XKR4: variants seen among roughly 807,000 people sequenced by gnomAD.
XKR4 encodes XK related 4.
Under a neutral mutation model 53.9 loss-of-function variants are expected in XKR4, and 12 were observed. The observed-to-expected ratio is 0.22, with a 90% CI of 0.14 to 0.36. XKR4 has a LOEUF of 0.36. Ranked by LOEUF, XKR4 falls within the 10% of genes least tolerant of loss-of-function variation. The pLI, the probability that XKR4 is intolerant of heterozygous loss-of-function variation, is 1.00. For synonymous variants in XKR4, 354 were observed against 362.4 expected (o/e 0.98, Z 0.26); for missense variants, 799 against 859.5 (o/e 0.93, Z 0.88).
intron 1 of XKR4, among the ~76,000 whole-genome samples, chr8:55,293,759 G>T (rs554680611): frequency 6.6e-6 from 1 of 152,146 alleles, no homozygotes; most frequent in African/African-American, 2.4e-5. Context: ...GCATAGATGG[G>T]TACTTATAGG....
intron 1 of XKR4, among the ~76,000 whole-genome samples, chr8:55,335,628 A>G (rs1803449094): frequency 6.6e-6 from 1 of 152,212 alleles, no homozygotes; most frequent in African/African-American, 2.4e-5. Flanking sequence ...GTATTTGAAT[A>G]TTTGTAGCAG....
intron 2 of XKR4, among the ~76,000 whole-genome samples, chr8:55,385,071 C>G (rs1804289476): frequency 6.6e-6 from 1 of 152,020 alleles, no homozygotes; most frequent in Admixed American, 6.6e-5. Flanking sequence ...AGATTTAAGT[C>G]AGGTAAAGAA....
chr8:55,359,146 CTT>C (rs1439038476), intron 2 of XKR4, among the ~76,000 whole-genome samples: 1 of 152,210 alleles, frequency 6.6e-6, no homozygotes, highest in Non-Finnish European at 1.5e-5. Context: ...AAAGTGGAGT[CTT>C]TGCACAGAAA....
chr8:55,195,502 G>C (rs1817493639), intron 1 of XKR4, among the ~76,000 whole-genome samples: 1 of 151,166 alleles, frequency 6.6e-6, no homozygotes, highest in South Asian at 2.1e-4. Context: ...CTGAAATACA[G>C]TATAGGAAGT....
At position 55,215,830 on chromosome 8, in the gene XKR4, C is replaced by G. The variant is rs80175052; in HGVS notation, c.806+112536C>G. Among the ~76,000 whole-genome samples the G allele has an allele frequency of 8.7e-3, 1,321 of 152,244 alleles. 14 individuals are homozygous for G. Among genetic ancestry groups the G allele is most frequent in the Middle Eastern group, 0.031 (9 of 294 alleles). The stretch of plus-strand genomic sequence containing the variant: ...TTAGAAATATTTCCTTTAAAATCAA[C>G]AGCAAGACAAAAATGCCCACTAGTG... On this transcript the variant is annotated intron_variant, in intron 1 of 2. Coordinates refer to ENST00000327381, the MANE Select transcript of XKR4 (RefSeq NM_052898.2).
At position 55,491,758 on chromosome 8, in the gene XKR4, GT is replaced by G. The variant is rs141482641; in HGVS notation, c.1007-31522del. Among the ~76,000 whole-genome samples, 477 of 152,224 alleles carry G rather than the reference GT, an allele frequency of 3.1e-3. 15 individuals carry two copies. The South Asian group carries it at 0.044, about 14-fold the overall frequency. On this transcript the variant is annotated intron_variant, in intron 2 of 2. Transcript: ENST00000327381. Reference sequence around the variant, plus strand: ...TGATCCTCCCACCTCAGCCTCTTGAGTAGCTAGGATTACGGGCACACACCAC... The same window carrying G: ...TGATCCTCCCACCTCAGCCTCTTGAGAGCTAGGATTACGGGCACACACCAC...
chr8:55,522,020 C>T (rs924534110), intron 2 of XKR4, among the ~76,000 whole-genome samples: 1 of 152,160 alleles, frequency 6.6e-6, no homozygotes, highest in Non-Finnish European at 1.5e-5. Context: ...AGTCTTGGTT[C>T]AGCTCATTAG....
intron 1 of XKR4, among the ~76,000 whole-genome samples, chr8:55,281,404 A>G (rs1818843000): frequency 6.6e-6 from 1 of 152,218 alleles, no homozygotes; most frequent in Admixed American, 6.5e-5. Flanking sequence ...CACCTCATGT[A>G]TCTTATCCTG....
At chr8:55,328,886 C>T (rs1803335858) in intron 1 of XKR4, among the ~76,000 whole-genome samples, 1 of 152,142 alleles carries the variant, frequency 6.6e-6, no homozygotes, top group African/African-American at 2.4e-5. Flanking sequence ...ACCACCAACA[C>T]CCACCATGTT....
chr8:55,258,004 G>T (rs977940985), intron 1 of XKR4, among the ~76,000 whole-genome samples: 3 of 152,206 alleles, frequency 2.0e-5, no homozygotes, highest in Non-Finnish European at 4.4e-5. Flanking sequence ...CTCTGGACTG[G>T]ATTCCAGCCC....
At chr8:55,458,295 A>T (rs1043951864) in intron 2 of XKR4, among the ~76,000 whole-genome samples, 1 of 152,198 alleles carries the variant, frequency 6.6e-6, no homozygotes, top group Non-Finnish European at 1.5e-5. Flanking sequence ...ACAGGTCTCA[A>T]CCCCTCATGG....
chr8:55,337,655 C>G (rs574922140), intron 1 of XKR4, among the ~76,000 whole-genome samples: 2 of 152,224 alleles, frequency 1.3e-5, no homozygotes, highest in African/African-American at 4.8e-5. Context: ...TATGCAGTGG[C>G]AGGGGCAATG....
chr8:55,282,034 G>A (rs1818850595), intron 1 of XKR4, among the ~76,000 whole-genome samples: 1 of 152,178 alleles, frequency 6.6e-6, no homozygotes, highest in African/African-American at 2.4e-5. Context: ...AAGTGATTAG[G>A]CAGTCAAGTG....
chr8:55,484,826 T>C (rs1806168778), intron 2 of XKR4, among the ~76,000 whole-genome samples: 2 of 152,246 alleles, frequency 1.3e-5, no homozygotes, highest in African/African-American at 2.4e-5. Context: ...CACTGGGCCA[T>C]TGATCTTCTC....
At chr8:55,478,541 A>G (rs1217171812) in intron 2 of XKR4, among the ~76,000 whole-genome samples, 1 of 152,140 alleles carries the variant, frequency 6.6e-6, no homozygotes, top group African/African-American at 2.4e-5. Flanking sequence ...CCAACTCCAC[A>G]CATAACAATA....
intron 1 of XKR4, among the ~76,000 whole-genome samples, chr8:55,123,924 A>C (rs1362861038): frequency 6.6e-6 from 1 of 152,178 alleles, no homozygotes; most frequent in Non-Finnish European, 1.5e-5. Context: ...AATCAATGGC[A>C]AGAGTAATCC....
At chr8:55,456,687 A>G (rs992398595) in intron 2 of XKR4, among the ~76,000 whole-genome samples, 38 of 152,354 alleles carry the variant, frequency 2.5e-4, no homozygotes, top group Admixed American at 3.3e-4. Context: ...GAGGGGAGAA[A>G]GAAGCAGTAA....
chr8:55,129,699 T>G (rs1816527964), intron 1 of XKR4, among the ~76,000 whole-genome samples: 1 of 152,108 alleles, frequency 6.6e-6, no homozygotes, highest in Non-Finnish European at 1.5e-5. Context: ...TACTTTTTCT[T>G]TAGGGCCTTA....
At chr8:55,356,470 A>T (rs1488835501) in intron 1 of XKR4, among the ~76,000 whole-genome samples, 1 of 152,218 alleles carries the variant, frequency 6.6e-6, no homozygotes, top group Non-Finnish European at 1.5e-5. Context: ...AAAAAGACTT[A>T]AGATACATAT....
Sources: allele counts gnomAD v4.1 joint callset (sites outside exome capture counted in the v4.1 genomes callset), GRCh38; gene constraint gnomAD v4.1.1; transcripts MANE v1.5; gene names NCBI Gene and HGNC (gene_info 2026-07-23, HGNC 2026-07-21).